Variants in STEAP1B observed in about 807,000 individuals in gnomAD.
STEAP1B encodes the protein STEAP family member 1B.
STEAP1B carries 13 observed loss-of-function variants against 27.9 expected under a neutral mutation model. The ratio of observed to expected loss-of-function variants is 0.47; its 90% CI spans 0.30 to 0.74. STEAP1B has a LOEUF of 0.74. Among genes scored for constraint, STEAP1B ranks in the 30% least tolerant of loss-of-function variants. The probability of loss-of-function intolerance (pLI) is 0.06; values close to 1 mark genes in which losing one functional copy is unlikely to be tolerated. For missense variants in STEAP1B, 250 were observed against 298.7 expected, an observed-to-expected ratio of 0.84 and a Z score of 1.20; for synonymous variants, 86 against 107.1, an observed-to-expected ratio of 0.80 and a Z score of 1.22.
At chr7:22,442,561 G>A (rs1785350371) in intron 4 of STEAP1B, among the ~76,000 whole-genome samples, 1 of 152,252 alleles carries the variant, frequency 6.6e-6, no homozygotes, top group Admixed American at 6.5e-5. Flanking sequence ...AGGTGGGGAT[G>A]GTGGAGTGGC....
chr7:22,461,908 G>A (rs1042435074), intron 4 of STEAP1B, among the ~76,000 whole-genome samples: 3 of 152,160 alleles, frequency 2.0e-5, no homozygotes, highest in East Asian at 1.9e-4. Context: ...ACCTGCCCAC[G>A]TGACTGTTAG....
At chr7:22,483,572 A>G (rs1385885507) in intron 4 of STEAP1B, among the ~76,000 whole-genome samples, 1 of 152,136 alleles carries the variant, frequency 6.6e-6, no homozygotes, top group Non-Finnish European at 1.5e-5. Flanking sequence ...ACATGTGCTC[A>G]CTTCATGTCT....
chr7:22,430,309 A>G (rs1280174982), intron 4 of STEAP1B, among the ~76,000 whole-genome samples: 2 of 152,228 alleles, frequency 1.3e-5, no homozygotes, highest in Non-Finnish European at 2.9e-5. Context: ...ATTAGGGCAC[A>G]TAAACTGCTT....
At chr7:22,452,882 A>G (rs1785513911) in intron 4 of STEAP1B, among the ~76,000 whole-genome samples, 2 of 152,194 alleles carry the variant, frequency 1.3e-5, no homozygotes, top group Admixed American at 6.5e-5. Flanking sequence ...GGCAGTTGCT[A>G]ATCCCAATAC....
intron 4 of STEAP1B, among the ~76,000 whole-genome samples, chr7:22,460,298 A>G (rs1379334076): frequency 1.3e-5 from 2 of 148,230 alleles, no homozygotes; most frequent in African/African-American, 5.0e-5. Context: ...ACTGCACTTG[A>G]GCCTGGGCAA....
Position 22,419,882 on chromosome 7 carries a change from CTA to C in STEAP1B, c.763-48_763-47del, listed in dbSNP as rs1472016934. 5.9e-6 allele frequency: 9 copies of C among 1,531,724 alleles called. No homozygotes were observed. In the South Asian group the frequency reaches 8.7e-5, roughly 15 times the overall value. The allele number at this position is 1,531,724 out of a possible 1,614,324, so 94.9% of individuals were successfully genotyped here. On this transcript the variant is annotated intron_variant, in intron 4 of 4. Transcript: ENST00000678116. Reference sequence around the variant, plus strand: ...AAGAGTTGATGTATAGAAGTAGTGACTATCACTATATTAATTTGCGTCCATTT... The same window carrying C: ...AAGAGTTGATGTATAGAAGTAGTGACTCACTATATTAATTTGCGTCCATTT...
chr7:22,435,711 C>T (rs1355273333), intron 4 of STEAP1B, among the ~76,000 whole-genome samples: 1 of 152,214 alleles, frequency 6.6e-6, no homozygotes, highest in Non-Finnish European at 1.5e-5. Context: ...ACATCTAAAG[C>T]TCACCTGTGC....
intron 4 of STEAP1B, among the ~76,000 whole-genome samples, chr7:22,439,226 T>G (rs978795292): frequency 6.6e-6 from 1 of 152,216 alleles, no homozygotes; most frequent in Non-Finnish European, 1.5e-5. Flanking sequence ...CATATCATCC[T>G]GTGAAGCATG....
chr7:22,430,220 C>A (rs534476357), intron 4 of STEAP1B, among the ~76,000 whole-genome samples: 1 of 152,278 alleles, frequency 6.6e-6, no homozygotes, highest in East Asian at 1.9e-4. Flanking sequence ...TGAAATTCAA[C>A]CTGTGTGACT....
chr7:22,475,091 T>G (rs548441867), intron 4 of STEAP1B, among the ~76,000 whole-genome samples: 1 of 152,324 alleles, frequency 6.6e-6, no homozygotes, highest in South Asian at 2.1e-4. Flanking sequence ...AATGCATCCC[T>G]GAGTCTCTCC....
chr7:22,456,423 C>T (rs1452885867), intron 4 of STEAP1B, among the ~76,000 whole-genome samples: 3 of 152,134 alleles, frequency 2.0e-5, no homozygotes, highest in Non-Finnish European at 4.4e-5. Flanking sequence ...TCCTTTTCAC[C>T]ATTATGCTCC....
intron 4 of STEAP1B, among the ~76,000 whole-genome samples, chr7:22,440,957 AAT>A (rs1307812990): frequency 8.0e-5 from 12 of 150,270 alleles, no homozygotes; most frequent in African/African-American, 2.4e-4. Flanking sequence ...AGAATATTAA[AAT>A]ATATGTTAAA....
chr7:22,464,326 TC>T (rs1274609338), intron 4 of STEAP1B, among the ~76,000 whole-genome samples: 1 of 152,186 alleles, frequency 6.6e-6, no homozygotes, highest in African/African-American at 2.4e-5. Flanking sequence ...CCCCACTCTG[TC>T]CCCTGACTGC....
intron 4 of STEAP1B, among the ~76,000 whole-genome samples, chr7:22,433,014 C>A (rs1386770397): frequency 1.3e-5 from 2 of 152,064 alleles, no homozygotes; most frequent in African/African-American, 2.4e-5. Flanking sequence ...CCAGCAAATG[C>A]GGCCTGACTG....
intron 4 of STEAP1B, among the ~76,000 whole-genome samples, chr7:22,448,708 G>A (rs1475715337): frequency 2.0e-5 from 3 of 152,096 alleles, no homozygotes; most frequent in African/African-American, 7.2e-5. Flanking sequence ...TGGGAAAAAA[G>A]AATGTTTCTC....
chr7:22,442,031 T>G (rs751697616), intron 4 of STEAP1B, among the ~76,000 whole-genome samples: 21 of 152,230 alleles, frequency 1.4e-4, no homozygotes, highest in Non-Finnish European at 2.4e-4. Flanking sequence ...TTTGGCTGGA[T>G]AGTCCATGCT....
intron 4 of STEAP1B, among the ~76,000 whole-genome samples, chr7:22,438,204 T>C (rs1785278747): frequency 1.3e-5 from 2 of 152,140 alleles, no homozygotes; most frequent in Non-Finnish European, 2.9e-5. Flanking sequence ...TGTTGTTGGG[T>C]TCCCTTCCCA....
chr7:22,473,334 T>C lies in STEAP1B; in HGVS notation c.762+19231A>G, dbSNP rs115411108. 1.7e-3 allele frequency among the ~76,000 whole-genome samples: 263 copies of C among 152,328 alleles called. 1 individual carries two copies. The highest frequency in any genetic ancestry group is 6.2e-3 in the African/African-American group (256 of 41,562). On this transcript the variant is annotated intron_variant, in intron 4 of 4. Coordinates refer to ENST00000678116, the MANE Select transcript of STEAP1B (RefSeq NM_001382447.1). ...AGAAAACCAGAGAACATATCCCAAA[T>C]TGTTACATTTCATCTTAGCCTAGAT...
chr7:22,433,559 T>G (rs547128525), intron 4 of STEAP1B, among the ~76,000 whole-genome samples: 6 of 152,028 alleles, frequency 3.9e-5, no homozygotes, highest in African/African-American at 1.4e-4. Context: ...CAAACCAGTT[T>G]TAAGGAGAGG....
Sources: gnomAD v4.1 joint callset for allele counts (sites outside exome capture counted in the v4.1 genomes callset) on GRCh38, gnomAD v4.1.1 for gene constraint, MANE v1.5 for transcripts, NCBI Gene and HGNC (gene_info 2026-07-23, HGNC 2026-07-21) for gene names.